MIPOL1: variants seen among roughly 807,000 people sequenced by gnomAD.
MIPOL1 encodes mirror-image polydactyly 1, also known as mirror-image polydactyly gene 1 protein.
MIPOL1 carries 57 observed loss-of-function variants against 60.9 expected under a neutral mutation model. The ratio of observed to expected loss-of-function variants is 0.94; its 90% CI spans 0.76 to 1.17. MIPOL1 has a LOEUF of 1.17. Ranked by LOEUF, MIPOL1 falls within the 50% of genes most tolerant of loss-of-function variation. The pLI, the probability that MIPOL1 is intolerant of heterozygous loss-of-function variation, is 0.00. For missense variants in MIPOL1, 551 were observed against 511.6 expected, an observed-to-expected ratio of 1.08 and a Z score of -0.74; for synonymous variants, 179 against 168.8, an observed-to-expected ratio of 1.06 and a Z score of -0.47.
intron 9 of MIPOL1, among the ~76,000 whole-genome samples, chr14:37,336,444 C>T (rs2090127496): frequency 6.7e-6 from 1 of 150,054 alleles, no homozygotes. Flanking sequence ...GCTTTTCCAG[C>T]TATGTCTATT....
chr14:37,551,260 T>C (rs1216551175), downstream of MIPOL1: 2 of 152,248 alleles, frequency 1.3e-5, no homozygotes, highest in East Asian at 3.9e-4. Context: ...GCAAATCCTA[T>C]ACATATTTCA....
intron 12 of MIPOL1, among the ~76,000 whole-genome samples, chr14:37,510,132 C>T (rs1477151855): frequency 1.3e-5 from 2 of 151,604 alleles, no homozygotes; most frequent in African/African-American, 4.8e-5. Flanking sequence ...ATATATAAAG[C>T]TTATATATAC....
chr14:37,496,573 A>G (rs1400166819), intron 11 of MIPOL1, among the ~76,000 whole-genome samples: 1 of 147,292 alleles, frequency 6.8e-6, no homozygotes, highest in Non-Finnish European at 1.5e-5. Context: ...AGAATAAAAT[A>G]CCTAGGAATC....
chr14:37,284,771 A>C (rs2153409729), intron 6 of MIPOL1, among the ~76,000 whole-genome samples: 1 of 152,220 alleles, frequency 6.6e-6, no homozygotes, highest in Non-Finnish European at 1.5e-5. Flanking sequence ...TAGTCAAGTC[A>C]TTTTAAATGC....
At chr14:37,500,159 A>G in intron 12 of MIPOL1, 21 bp downstream of exon 12, 1 of 1,472,352 alleles carries the variant, frequency 6.8e-7, no homozygotes. Flanking sequence ...TGATCTTGTA[A>G]TAATACTTCA....
At chr14:37,386,329 A>G (rs1595526977) in intron 10 of MIPOL1, among the ~76,000 whole-genome samples, 1 of 152,010 alleles carries the variant, frequency 6.6e-6, no homozygotes, top group Admixed American at 6.6e-5. Context: ...GCAAGATGTC[A>G]TATATTCTGT....
intron 9 of MIPOL1, among the ~76,000 whole-genome samples, chr14:37,356,497 T>A (rs1384255153): frequency 1.3e-5 from 2 of 151,854 alleles, no homozygotes; most frequent in Non-Finnish European, 2.9e-5. Context: ...CGGGCGCCCC[T>A]CCCCCAGCCT....
intron 10 of MIPOL1, among the ~76,000 whole-genome samples, chr14:37,396,088 G>C (rs150683815): frequency 9.1e-4 from 137 of 150,356 alleles, no homozygotes; most frequent in Non-Finnish European, 1.8e-3. Flanking sequence ...TTTGTTTTTT[G>C]TTTTTGCTTT....
At chr14:37,487,479 G>A (rs954603901) in intron 11 of MIPOL1, among the ~76,000 whole-genome samples, 1 of 151,912 alleles carries the variant, frequency 6.6e-6, no homozygotes, top group Admixed American at 6.6e-5. Context: ...GACTTTTTTT[G>A]GTTGGTAGGC....
At chr14:37,357,801 G>A in intron 9 of MIPOL1, among the ~76,000 whole-genome samples, 1 of 151,906 alleles carries the variant, frequency 6.6e-6, no homozygotes, top group East Asian at 1.9e-4. Flanking sequence ...TTGGTTGCCT[G>A]TGCTTGTGGG....
At chr14:37,436,636 T>C (rs890022079) in intron 11 of MIPOL1, among the ~76,000 whole-genome samples, 3 of 152,210 alleles carry the variant, frequency 2.0e-5, no homozygotes, top group Non-Finnish European at 2.9e-5. Flanking sequence ...GCCACTGCTG[T>C]CATAAAAAGC....
At chr14:37,248,186 C>T (rs1333981984) in intron 3 of MIPOL1, among the ~76,000 whole-genome samples, 1 of 151,310 alleles carries the variant, frequency 6.6e-6, no homozygotes, top group Non-Finnish European at 1.5e-5. Flanking sequence ...AAAGACACAC[C>T]AGGAAATAGA....
Position 37,308,492 on chromosome 14 carries a change from A to G in MIPOL1, c.801A>G (p.Ile267Met), listed in dbSNP as rs1401803142. The change falls in exon 9 of 13, where the codon ATA becomes ATG. Residue 267 changes from isoleucine to methionine, a missense_variant. Transcript: ENST00000684589. ...CTGCAGAAGAAATGAGTGCACTAAT[A>G]GAAGAACGGGATGCTGCCTTGTCTA... Reference protein sequence around the residue: ...RITAEEMSALIEERDAALSKC... With the variant: ...RITAEEMSALMEERDAALSKC... 27 of 1,591,528 alleles carry G rather than the reference A, an allele frequency of 1.7e-5. No homozygotes were observed. The East Asian group carries it at 6.2e-4, about 36-fold the overall frequency.
At position 37,515,870 on chromosome 14, in the gene MIPOL1, C is replaced by CT. The variant is rs2095365562; in HGVS notation, c.1262+15738dup. 7.2e-5 allele frequency among the ~76,000 whole-genome samples: 11 copies of CT among 152,240 alleles called. No individual in the cohort carries two copies. In the South Asian group the frequency reaches 2.3e-3, roughly 32 times the overall value. On this transcript the variant is annotated intron_variant, in intron 12 of 12. Coordinates refer to ENST00000684589, the MANE Select transcript of MIPOL1 (RefSeq NM_001388067.1). ...GGTTTTAGGAAGACTTTCTGATGCT[C>CT]TTTTTTAACACAGCTGTGAGAAGAA...
chr14:37,398,541 C>T (rs1414540797), intron 10 of MIPOL1, among the ~76,000 whole-genome samples: 1 of 152,200 alleles, frequency 6.6e-6, no homozygotes, highest in South Asian at 2.1e-4. Flanking sequence ...CGTATCTTCT[C>T]TGGCCATCAA....
intron 3 of MIPOL1, among the ~76,000 whole-genome samples, chr14:37,251,733 T>C (rs1040117117): frequency 5.3e-5 from 8 of 152,060 alleles, no homozygotes; most frequent in Admixed American, 1.3e-4. Flanking sequence ...AATACTGTTA[T>C]AAATTCCTGA....
At chr14:37,453,447 A>T (rs2094444344) in intron 11 of MIPOL1, among the ~76,000 whole-genome samples, 1 of 152,162 alleles carries the variant, frequency 6.6e-6, no homozygotes, top group Non-Finnish European at 1.5e-5. Flanking sequence ...AAGTCTTGAG[A>T]AAATCATGTT....
chr14:37,312,275 T>C (rs2087412440), intron 9 of MIPOL1, among the ~76,000 whole-genome samples: 2 of 151,958 alleles, frequency 1.3e-5, no homozygotes, highest in African/African-American at 4.8e-5. Context: ...ACCTGGCTAA[T>C]TTTTTGTACT....
chr14:37,251,084 A>G (rs1230723098), intron 3 of MIPOL1, among the ~76,000 whole-genome samples: 2 of 152,090 alleles, frequency 1.3e-5, no homozygotes, highest in East Asian at 3.9e-4. Flanking sequence ...TTTTAAAGAC[A>G]GAGTCTCACT....
Sources: gnomAD v4.1 joint callset for allele counts (sites outside exome capture counted in the v4.1 genomes callset) on GRCh38, gnomAD v4.1.1 for gene constraint, MANE v1.5 for transcripts, NCBI Gene and HGNC (gene_info 2026-07-23, HGNC 2026-07-21) for gene names.